Variants in SHCBP1L observed in about 807,000 individuals in gnomAD.
SHCBP1L encodes the protein SHC binding and spindle associated 1 like.
Under a neutral mutation model 62.5 loss-of-function variants are expected in SHCBP1L, and 67 were observed. The observed-to-expected ratio is 1.07, with a 90% CI of 0.88 to 1.31. The LOEUF (loss-of-function observed/expected upper bound fraction) is 1.31, where lower values mean the gene tolerates loss of function less well. SHCBP1L is among the 40% of genes most tolerant of loss of function. The pLI, the probability that SHCBP1L is intolerant of heterozygous loss-of-function variation, is 0.00. For missense variants in SHCBP1L, 823 were observed against 809.8 expected (o/e 1.02, Z -0.20); for synonymous variants, 284 against 289.4 (o/e 0.98, Z 0.19).
chr1:182,943,453 G>GT (rs112349379), intron 2 of SHCBP1L, among the ~76,000 whole-genome samples: 11,702 of 135,966 alleles, frequency 0.086, 1,264 homozygotes, highest in African/African-American at 0.26. Context: ...GTTTGTTTTT[G>GT]TTTTTTTTTT....
rs1471417952 is a variant in SHCBP1L at position 182,940,641 on chromosome 1, T to C, written c.556-98A>G. The C allele has an allele frequency of 3.1e-6, 3 of 981,636 alleles. No homozygotes were observed. The East Asian group carries it at 8.0e-5, about 26-fold the overall frequency. 60.8% of individuals were successfully genotyped at this position (981,636 alleles called of 1,614,324 possible). ...TATGAGCTCATTATAAAGTTTCTTC[T>C]TTTAAATTTATGACTTCTTCAACAA... On this transcript the variant is annotated intron_variant, in intron 2 of 9. Transcript: ENST00000367547.
chr1:182,919,729 C>T (rs564811788), intron 6 of SHCBP1L, among the ~76,000 whole-genome samples: 1 of 152,266 alleles, frequency 6.6e-6, no homozygotes, highest in South Asian at 2.1e-4. Context: ...AATGGTCGTT[C>T]ACTGAGGAAG....
chr1:182,931,560 TTC>T (rs1650995933), intron 5 of SHCBP1L, among the ~76,000 whole-genome samples: 1 of 152,184 alleles, frequency 6.6e-6, no homozygotes, highest in Non-Finnish European at 1.5e-5. Context: ...TTGGTCTGCT[TTC>T]TGTCATTACG....
intron 5 of SHCBP1L, among the ~76,000 whole-genome samples, chr1:182,938,346 T>C (rs1489576717): frequency 6.6e-6 from 1 of 152,168 alleles, no homozygotes; most frequent in African/African-American, 2.4e-5. Flanking sequence ...TCAGGTGATC[T>C]GCCCACCTCG....
Position 182,952,807 on chromosome 1 carries a change from G to C in SHCBP1L, c.327C>G (p.Val109=). The part of the protein sequence containing the change: ...DEEEAQPLPP[V]CVSRMRGMWR... ...ACATCCCCCTCATACGGGACACGCA[G>C]ACTGGGGGCAGGGGCTGCGCCTCCT... Residue 109 remains valine (V), a synonymous_variant, in exon 1 of 10, where the codon GTC becomes GTG. Coordinates refer to ENST00000367547, the MANE Select transcript of SHCBP1L (RefSeq NM_030933.4). 1.2e-6 allele frequency: 2 copies of C among 1,612,780 alleles called. No individual in the cohort carries two copies. Among genetic ancestry groups the C allele is most frequent in the Non-Finnish European group, 1.7e-6 (2 of 1,179,566 alleles).
intron 6 of SHCBP1L, among the ~76,000 whole-genome samples, chr1:182,914,804 A>G (rs1003542046): frequency 2.0e-5 from 3 of 152,200 alleles, no homozygotes; most frequent in Non-Finnish European, 4.4e-5. Flanking sequence ...ATGTAAATGG[A>G]TTAAGATCAC....
intron 2 of SHCBP1L, among the ~76,000 whole-genome samples, chr1:182,944,156 A>AT (rs60075454): frequency 1.5e-4 from 22 of 151,462 alleles, no homozygotes; most frequent in Admixed American, 6.6e-4. Flanking sequence ...AAATAAATAA[A>AT]AGAGGCCGGG....
At chr1:182,945,230 C>G (rs1266704750) in intron 2 of SHCBP1L, among the ~76,000 whole-genome samples, 1 of 152,128 alleles carries the variant, frequency 6.6e-6, no homozygotes, top group African/African-American at 2.4e-5. Flanking sequence ...TCCCAAAGTG[C>G]TGGTATTACA....
At chr1:182,926,662 C>A (rs894032926) in intron 6 of SHCBP1L, among the ~76,000 whole-genome samples, 1 of 151,984 alleles carries the variant, frequency 6.6e-6, no homozygotes, top group African/African-American at 2.4e-5. Context: ...CAACATCACA[C>A]TATACCGTCT....
intron 6 of SHCBP1L, among the ~76,000 whole-genome samples, chr1:182,906,403 C>T (rs991895808): frequency 3.3e-5 from 5 of 151,980 alleles, no homozygotes; most frequent in Admixed American, 3.3e-4. Context: ...CTCAAAATGA[C>T]CCTCCAGTTT....
chr1:182,905,998 G>T (rs547818114), intron 6 of SHCBP1L, among the ~76,000 whole-genome samples: 1 of 152,082 alleles, frequency 6.6e-6, no homozygotes, highest in African/African-American at 2.4e-5. Flanking sequence ...GCAATGCTGC[G>T]ATCTCGGCTC....
intron 6 of SHCBP1L, among the ~76,000 whole-genome samples, chr1:182,925,316 T>C (rs1257945322): frequency 6.6e-6 from 1 of 152,098 alleles, no homozygotes; most frequent in Non-Finnish European, 1.5e-5. Flanking sequence ...AATATATAAA[T>C]AACTCTTATA....
intron 5 of SHCBP1L, among the ~76,000 whole-genome samples, chr1:182,932,211 G>A (rs4132471): frequency 0.26 from 39,025 of 151,482 alleles, 5,778 homozygotes; most frequent in Non-Finnish European, 0.33. Context: ...AGGACATTTT[G>A]GTTGCTTCCA....
chr1:182,904,239 C>A lies in SHCBP1L; in HGVS notation c.1528G>T (p.Val510Leu), dbSNP rs1423849511. 2 of 1,614,050 alleles carry A rather than the reference C, an allele frequency of 1.2e-6. No individual in the cohort carries two copies. The highest frequency in any genetic ancestry group is 2.7e-5 in the African/African-American group (2 of 74,912). The change falls in exon 8 of 10, where the codon GTG becomes TTG. Residue 510 changes from valine to leucine, a missense_variant. Physicochemically the swap from Val to Leu is conservative, Grantham distance 32. Transcript: ENST00000367547. Reference sequence around the variant, plus strand: ...AAAGCAGCCCCTGTAAGAACACACACTCCTGTTCCTTCACATTTTAATATG... The same window carrying A: ...AAAGCAGCCCCTGTAAGAACACACAATCCTGTTCCTTCACATTTTAATATG... ...NCILKCEGTG[V>L]CVLTGAALTI...
chr1:182,924,785 A>AG (rs1650653786), intron 6 of SHCBP1L, among the ~76,000 whole-genome samples: 9 of 104,940 alleles, frequency 8.6e-5, no homozygotes, highest in African/African-American at 4.9e-4. Context: ...AGAAAGAAAG[A>AG]AAGAGAGAAA....
chr1:182,948,167 C>T (rs1273007786), intron 2 of SHCBP1L, among the ~76,000 whole-genome samples: 1 of 152,152 alleles, frequency 6.6e-6, no homozygotes, highest in Non-Finnish European at 1.5e-5. Context: ...TTTGACTGTG[C>T]AGGGCCCTGC....
chr1:182,952,796 CG>C lies in SHCBP1L; in HGVS notation c.337del (p.Arg113ValfsTer2), dbSNP rs754334329. 21 of 1,612,548 alleles carry C rather than the reference CG, an allele frequency of 1.3e-5. No individual in the cohort carries two copies. The South Asian group carries it at 2.3e-4, about 18-fold the overall frequency. On this transcript the variant is annotated frameshift_variant, in exon 1 of 10. Transcript: ENST00000367547. LOFTEE classifies it high-confidence loss of function. ...AQPLPPVCVS[R>X]MRGMWRDEKV... ...CTCGTCCCGCCACATCCCCCTCATA[CG>C]GGACACGCAGACTGGGGGCAGGGGC...
chr1:182,904,224 CT>C lies in SHCBP1L; in HGVS notation c.1542del (p.Ala516LeufsTer3), dbSNP rs774985746. On this transcript the variant is annotated frameshift_variant, in exon 8 of 10. Coordinates refer to ENST00000367547, the MANE Select transcript of SHCBP1L (RefSeq NM_030933.4). LOFTEE classifies it high-confidence loss of function. The part of the protein sequence containing the change: ...KCEGTGVCVL[T>X]GAALTITDSE... The stretch of plus-strand genomic sequence containing the variant: ...CTGTCTGTAATTGTCAAAGCAGCCC[CT>C]GTAAGAACACACACTCCTGTTCCTT... 1.2e-5 allele frequency: 19 copies of C among 1,614,132 alleles called. No homozygotes were observed. Among genetic ancestry groups the C allele is most frequent in the Admixed American group, 6.7e-5 (4 of 60,022 alleles).
rs1290966478 is a variant in SHCBP1L, at chr1:182,951,328, A to G, written c.545T>C (p.Ile182Thr). The change falls in exon 2 of 10, where the codon ATA (isoleucine) becomes ACA (threonine). Residue 182 changes from isoleucine to threonine, a missense_variant. Physicochemically the swap from Ile to Thr is moderately conservative, Grantham distance 89 (BLOSUM62 -1). Coordinates refer to ENST00000367547, the MANE Select transcript of SHCBP1L (RefSeq NM_030933.4). ...ATAAAATTTATTTACCTCAACCAAT[A>G]TACCAACAAAAGGGATAGAAGCTTC... ...YEEASIPFVGILVEVTCEPYQ... is the reference protein window; with the variant it reads ...YEEASIPFVGTLVEVTCEPYQ... 11 of 1,569,648 alleles carry G rather than the reference A, an allele frequency of 7.0e-6. No homozygotes were observed. In the East Asian group the frequency reaches 2.5e-4, roughly 35 times the overall value.
Sources: gnomAD v4.1 joint callset for allele counts (sites outside exome capture counted in the v4.1 genomes callset) on GRCh38, gnomAD v4.1.1 for gene constraint, MANE v1.5 for transcripts, NCBI Gene and HGNC (gene_info 2026-07-23, HGNC 2026-07-21) for gene names.